Variants in OR51B5 observed in about 807,000 individuals in gnomAD.
OR51B5 encodes the protein olfactory receptor 51B5.
For synonymous variants in OR51B5, 186 were observed against 144.8 expected, an observed-to-expected ratio of 1.28 and a Z score of -2.04; for missense variants, 456 against 374.6, an observed-to-expected ratio of 1.22 and a Z score of -1.79.
chr11:5,448,331 A>G (rs753051994), intron 1 of OR51B5, among the ~76,000 whole-genome samples: 13 of 152,306 alleles, frequency 8.5e-5, no homozygotes, highest in Middle Eastern at 6.8e-3. Flanking sequence ...GTTAATCTAA[A>G]TGAATAAATT....
chr11:5,487,545 T>C (rs559441921), intron 1 of OR51B5, among the ~76,000 whole-genome samples: 1 of 152,314 alleles, frequency 6.6e-6, no homozygotes, highest in East Asian at 1.9e-4. Flanking sequence ...CACAAATCAA[T>C]AATGTTACAG....
chr11:5,399,865 T>A (rs1035029450), intron 1 of OR51B5, among the ~76,000 whole-genome samples: 2 of 151,902 alleles, frequency 1.3e-5, no homozygotes, highest in African/African-American at 4.8e-5. Flanking sequence ...GTTTCAAGTA[T>A]CAGTCAAGAT....
intron 1 of OR51B5, among the ~76,000 whole-genome samples, chr11:5,379,729 T>A (rs1849581731): frequency 6.6e-6 from 1 of 152,156 alleles, no homozygotes. Flanking sequence ...AGTCAATAAT[T>A]CCTCAAAAAA....
chr11:5,494,041 T>A (rs1851615080), intron 1 of OR51B5, among the ~76,000 whole-genome samples: 1 of 152,220 alleles, frequency 6.6e-6, no homozygotes, highest in Non-Finnish European at 1.5e-5. Context: ...CTTCACAGAC[T>A]GAGCCTCATA....
At chr11:5,342,573 T>C, downstream of OR51B5, 1 of 1,559,064 alleles carries the variant, frequency 6.4e-7, no homozygotes, top group Non-Finnish European at 8.6e-7. Flanking sequence ...AGAGTGACTG[T>C]GATGATTGGA....
At chr11:5,505,257 G>A (rs1267434765) in intron 1 of OR51B5, 1 of 1,230,706 alleles carries the variant, frequency 8.1e-7, no homozygotes, top group Non-Finnish European at 1.0e-6. Context: ...TAGGTTTTTT[G>A]TTTTTTTCCT....
At chr11:5,343,654 T>A, upstream of OR51B5, 1 of 548,006 alleles carries the variant, frequency 1.8e-6, no homozygotes, top group Non-Finnish European at 3.2e-6. Context: ...GACATCAATA[T>A]AAGTGATTGT....
chr11:5,423,390 G>T (rs563625394), intron 1 of OR51B5, among the ~76,000 whole-genome samples: 1 of 152,242 alleles, frequency 6.6e-6, no homozygotes, highest in African/African-American at 2.4e-5. Flanking sequence ...CTATCCCAAC[G>T]GGAGGATTTT....
intron 1 of OR51B5, among the ~76,000 whole-genome samples, chr11:5,396,000 A>G (rs1028113492): frequency 1.3e-5 from 2 of 152,218 alleles, no homozygotes; most frequent in African/African-American, 4.8e-5. Context: ...AGTAGGTAGA[A>G]TTGTCTCAAT....
rs551841878 is a variant in OR51B5, at chr11:5,397,360, G to A, written n.85-50450C>T. Among the ~76,000 whole-genome samples, 967 of 148,514 alleles carry A rather than the reference G, an allele frequency of 6.5e-3. 11 individuals are homozygous for A. The highest frequency in any genetic ancestry group is 0.022 in the African/African-American group (891 of 40,406). On this transcript the variant is annotated intron_variant and non_coding_transcript_variant, in intron 1 of 4. Transcript: ENST00000415970. ...AATGAACTCAAACAAATTTACAAGA[G>A]AAAAAAAACCCCATCAAAAAGTGGG...
intron 1 of OR51B5, among the ~76,000 whole-genome samples, chr11:5,419,948 G>C (rs905343557): frequency 2.6e-5 from 4 of 151,244 alleles, no homozygotes; most frequent in South Asian, 2.1e-4. Flanking sequence ...ATTATAATTA[G>C]AGCTTATGTT....
chr11:5,356,448 C>G (rs1306433290), intron 1 of OR51B5, among the ~76,000 whole-genome samples: 2 of 149,456 alleles, frequency 1.3e-5, no homozygotes, highest in Non-Finnish European at 3.0e-5. Context: ...AAGAAATGAA[C>G]AAAGCCTCCA....
chr11:5,484,837 T>A (rs1017755168), intron 1 of OR51B5, among the ~76,000 whole-genome samples: 1 of 152,208 alleles, frequency 6.6e-6, no homozygotes, highest in Non-Finnish European at 1.5e-5. Context: ...ACATTACATA[T>A]GTATTATTTC....
chr11:5,480,522 G>A (rs1286911321), intron 1 of OR51B5, among the ~76,000 whole-genome samples: 25 of 150,198 alleles, frequency 1.7e-4, no homozygotes, highest in Admixed American at 1.5e-3. Flanking sequence ...CAGAACTGAA[G>A]GAAATAGAGA....
At chr11:5,490,385 A>G (rs12291887) in intron 1 of OR51B5, among the ~76,000 whole-genome samples, 4,335 of 152,304 alleles carry the variant, frequency 0.028, 199 homozygotes, top group African/African-American at 0.098. Flanking sequence ...TAACAATTCT[A>G]TAATATTTTT....
chr11:5,352,225 G>C, intron 1 of OR51B5: 1 of 1,614,146 alleles, frequency 6.2e-7, no homozygotes. Context: ...CAACACATGT[G>C]TCTCTCATAT....
intron 1 of OR51B5, among the ~76,000 whole-genome samples, chr11:5,501,573 C>T (rs1183896660): frequency 6.8e-6 from 1 of 147,634 alleles, no homozygotes; most frequent in South Asian, 2.1e-4. Flanking sequence ...CTTCTCTTCT[C>T]CTTCTAGAAC....
chr11:5,410,064 A>C (rs764577170), intron 1 of OR51B5, among the ~76,000 whole-genome samples: 12 of 152,184 alleles, frequency 7.9e-5, no homozygotes, highest in Non-Finnish European at 1.6e-4. Flanking sequence ...AAAGTAAAGA[A>C]GTTTTCAGAT....
intron 1 of OR51B5, among the ~76,000 whole-genome samples, chr11:5,384,636 C>T (rs1036900170): frequency 5.9e-5 from 9 of 152,102 alleles, no homozygotes; most frequent in South Asian, 2.1e-4. Flanking sequence ...TCTTTCCTGC[C>T]GAGCCATCTG....
Sources: allele counts gnomAD v4.1 joint callset (sites outside exome capture counted in the v4.1 genomes callset), GRCh38; gene constraint gnomAD v4.1.1; transcripts MANE v1.5; gene names NCBI Gene and HGNC (gene_info 2026-07-23, HGNC 2026-07-21).